RPS4Y1: variants seen among roughly 807,000 people sequenced by gnomAD.
The protein encoded by RPS4Y1 is small ribosomal subunit protein eS4, Y isoform 1.
For synonymous variants in RPS4Y1, 23 were observed against 20.8 expected, an observed-to-expected ratio of 1.10 and a Z score of -0.28; for missense variants, 30 against 60.9, an observed-to-expected ratio of 0.49 and a Z score of 1.69.
intron 4 of RPS4Y1, among the ~76,000 whole-genome samples, chrY:2,846,665 G>A: frequency 3.0e-5 from 1 of 33,726 alleles, no homozygotes; most frequent in African/African-American, 1.2e-4. Flanking sequence ...TTCGCCCACA[G>A]GAGGTACTTT....
chrY:2,861,389 C>G, intron 5 of RPS4Y1, among the ~76,000 whole-genome samples: 1 of 32,118 alleles, frequency 3.1e-5, no homozygotes, highest in Non-Finnish European at 7.5e-5. Flanking sequence ...TTCCAGTCTT[C>G]CCTATGTATC....
intron 5 of RPS4Y1, among the ~76,000 whole-genome samples, chrY:2,855,409 T>C: frequency 3.0e-5 from 1 of 33,649 alleles, no homozygotes; most frequent in Non-Finnish European, 7.4e-5. Flanking sequence ...GTTCTGTTGC[T>C]TATCTGCCCT....
In RPS4Y1 at chrY:2,858,215, C is replaced by T. The variant is rs745630027; in HGVS notation, c.532+3444C>T. Among the ~76,000 whole-genome samples the T allele has an allele frequency of 2.8e-3, 92 of 32,465 alleles. No homozygotes were observed. The East Asian group carries it at 0.058, about 20-fold the overall frequency. The allele number at this position is 32,465 out of a possible 37,273, so 87.1% of individuals were successfully genotyped here. On this transcript the variant is annotated intron_variant, in intron 5 of 6. Transcript: ENST00000250784. Reference sequence around the variant, plus strand: ...TATGTCTTTGGAGAAAGGTTTTATTCATGTCCTTTGTCCAGTATTTAGCTA... The same window carrying T: ...TATGTCTTTGGAGAAAGGTTTTATTTATGTCCTTTGTCCAGTATTTAGCTA...
intron 5 of RPS4Y1, among the ~76,000 whole-genome samples, chrY:2,855,553 T>A (rs2051159336): frequency 6.0e-5 from 2 of 33,481 alleles, no homozygotes; most frequent in East Asian, 1.6e-3. Flanking sequence ...CAGGCTAGGG[T>A]TGTCTGATTG....
intron 2 of RPS4Y1, among the ~76,000 whole-genome samples, chrY:2,842,995 G>A (rs2051150231): frequency 3.0e-5 from 1 of 33,660 alleles, no homozygotes; most frequent in Non-Finnish European, 7.4e-5. Flanking sequence ...CTCCATTTAG[G>A]AGGCACTTAG....
intron 4 of RPS4Y1, among the ~76,000 whole-genome samples, chrY:2,848,795 A>G: frequency 3.0e-5 from 1 of 33,516 alleles, no homozygotes; most frequent in Non-Finnish European, 7.4e-5. Flanking sequence ...TTTTTTGGAT[A>G]CAGGTGTTTT....
At chrY:2,854,555 C>T in intron 4 of RPS4Y1, 45 bp from the exon 5 acceptor site, 1 of 339,874 alleles carries the variant, frequency 2.9e-6, no homozygotes, top group East Asian at 9.4e-5. Flanking sequence ...TTTAGGCTGG[C>T]TTTGTGTTTA....
intron 4 of RPS4Y1, among the ~76,000 whole-genome samples, chrY:2,850,208 G>A: frequency 3.0e-5 from 1 of 33,889 alleles, no homozygotes; most frequent in African/African-American, 1.2e-4. Context: ...AAAGAAAGAG[G>A]CCATGTCTTT....
intron 4 of RPS4Y1, among the ~76,000 whole-genome samples, chrY:2,846,806 A>G: frequency 3.0e-5 from 1 of 33,472 alleles, no homozygotes; most frequent in African/African-American, 1.2e-4. Context: ...CTGCTTTTGT[A>G]TGGAATTTGG....
At chrY:2,854,373 G>C in intron 4 of RPS4Y1, 1 of 124,185 alleles carries the variant, frequency 8.1e-6, no homozygotes, top group South Asian at 5.6e-5. Flanking sequence ...GCCACCAGAG[G>C]GTTCTGAAAC....
intron 5 of RPS4Y1, among the ~76,000 whole-genome samples, chrY:2,858,301 G>T: frequency 3.0e-5 from 1 of 33,048 alleles, no homozygotes; most frequent in Non-Finnish European, 7.4e-5. Context: ...TGTAAGATTT[G>T]TGGATGTTTT....
chrY:2,866,438 G>T, intron 6 of RPS4Y1, among the ~76,000 whole-genome samples: 1 of 34,280 alleles, frequency 2.9e-5, no homozygotes, highest in African/African-American at 1.1e-4. Flanking sequence ...TAAAGCTGAT[G>T]ATAGGGTGCT....
chrY:2,851,096 G>T, intron 4 of RPS4Y1, among the ~76,000 whole-genome samples: 1 of 31,690 alleles, frequency 3.2e-5, no homozygotes, highest in African/African-American at 1.2e-4. Context: ...GCCCGCCTCG[G>T]CCTCCCAAAG....
In RPS4Y1 at chrY:2,844,067, T is replaced by C; in HGVS notation, c.82-10T>C. 3 of 397,823 alleles carry C rather than the reference T, an allele frequency of 7.5e-6. No homozygotes were observed. Among genetic ancestry groups the C allele is most frequent in the Non-Finnish European group, 1.1e-5 (3 of 282,564 alleles). ...TCTTAGATTAGGTTACCTTTCCTTG[T>C]CTTCTACAGGCACCTCGTCCATCGA... On this transcript the variant is annotated splice_polypyrimidine_tract_variant and intron_variant, in intron 2 of 6. Coordinates refer to ENST00000250784, the MANE Select transcript of RPS4Y1 (RefSeq NM_001008.4).
At chrY:2,843,826 G>T in intron 2 of RPS4Y1, among the ~76,000 whole-genome samples, 1 of 32,935 alleles carries the variant, frequency 3.0e-5, no homozygotes, top group African/African-American at 1.2e-4. Context: ...AGGGCAAAAT[G>T]GGGAGATGGT....
chrY:2,854,515 C>G, intron 4 of RPS4Y1, 85 bp from the exon 5 acceptor site: 1 of 243,481 alleles, frequency 4.1e-6, no homozygotes, highest in African/African-American at 7.7e-5. Context: ...TGCTGGAAAT[C>G]GATGGGATAA....
chrY:2,847,614 A>G (rs1276580941), intron 4 of RPS4Y1, among the ~76,000 whole-genome samples: 1 of 33,467 alleles, frequency 3.0e-5, no homozygotes, highest in Admixed American at 2.7e-4. Context: ...AAGATGGCAA[A>G]GAAGACAGGG....
chrY:2,855,254 A>C (rs768657715), intron 5 of RPS4Y1, among the ~76,000 whole-genome samples: 14 of 34,059 alleles, frequency 4.1e-4, no homozygotes, highest in Admixed American at 3.7e-3. Context: ...TCAGCTAAGG[A>C]AGTAAAATAT....
chrY:2,851,095 G>A (rs2051155996), intron 4 of RPS4Y1, among the ~76,000 whole-genome samples: 1 of 31,292 alleles, frequency 3.2e-5, no homozygotes, highest in Non-Finnish European at 7.8e-5. Context: ...CGCCCGCCTC[G>A]GCCTCCCAAA....
Sources: gnomAD v4.1 joint callset for allele counts (sites outside exome capture counted in the v4.1 genomes callset) on GRCh38, gnomAD v4.1.1 for gene constraint, MANE v1.5 for transcripts, NCBI Gene and HGNC (gene_info 2026-07-23, HGNC 2026-07-21) for gene names.